The following CPNE8 variants were observed in gnomAD, a reference collection of about 807,000 sequenced individuals.
The protein encoded by CPNE8 is copine-8.
A neutral mutation model predicts 81.5 loss-of-function variants in CPNE8; 45 were observed. That is an observed-to-expected ratio of 0.55 (90% CI 0.44 to 0.71). The LOEUF (loss-of-function observed/expected upper bound fraction) is 0.71. Among genes scored for constraint, CPNE8 ranks in the 30% least tolerant of loss-of-function variants. The probability of loss-of-function intolerance (pLI) is 0.00; values close to 1 mark genes in which losing one functional copy is unlikely to be tolerated. For synonymous variants in CPNE8, 252 were observed against 226.3 expected, an observed-to-expected ratio of 1.11 and a Z score of -1.02; for missense variants, 594 against 672.1, an observed-to-expected ratio of 0.88 and a Z score of 1.28.
chr12:38,845,327 G>A (rs1416773483), intron 4 of CPNE8, among the ~76,000 whole-genome samples: 3 of 152,094 alleles, frequency 2.0e-5, no homozygotes, highest in Non-Finnish European at 4.4e-5. Flanking sequence ...TGGTACGTGT[G>A]TGTACGTGTG....
intron 6 of CPNE8, among the ~76,000 whole-genome samples, chr12:38,796,902 C>T (rs945492692): frequency 2.0e-5 from 3 of 152,210 alleles, no homozygotes; most frequent in Non-Finnish European, 4.4e-5. Context: ...ATATCCCGCA[C>T]ATGGCTCAGA....
chr12:38,886,858 A>G (rs1233371557), intron 1 of CPNE8, among the ~76,000 whole-genome samples: 1 of 152,200 alleles, frequency 6.6e-6, no homozygotes, highest in Non-Finnish European at 1.5e-5. Flanking sequence ...GGAGACCCAG[A>G]TTCAGAGACA....
At chr12:38,711,027 T>C (rs1940243373) in intron 13 of CPNE8, among the ~76,000 whole-genome samples, 1 of 152,178 alleles carries the variant, frequency 6.6e-6, no homozygotes, top group Non-Finnish European at 1.5e-5. Flanking sequence ...TTGTCTACAA[T>C]AGAATAATTT....
rs558896540 is a variant in CPNE8 at position 38,667,741 on chromosome 12, T to C, written c.1506+2988A>G. ...GTATCCCCAGGTGTGTTCAAAATCT[T>C]TGGAATCCCAATGTTACTTTATGGT... On this transcript the variant is annotated intron_variant, in intron 19 of 19. Coordinates refer to ENST00000331366, the MANE Select transcript of CPNE8 (RefSeq NM_153634.3). Among the ~76,000 whole-genome samples, 256 of 152,276 alleles carry C rather than the reference T, an allele frequency of 1.7e-3. 1 individual carries two copies. Among genetic ancestry groups the C allele is most frequent in the Middle Eastern group, 3.4e-3 (1 of 294 alleles).
rs12816599 is a variant in CPNE8, at chr12:38,813,455, A to G, written c.407+15924T>C. On this transcript the variant is annotated intron_variant, in intron 6 of 19. Transcript: ENST00000331366. ...ACTGTCTAGTGATGCTATCACAGAAATAAAATAGAGCGGGAGGAGTTTTGA... is the reference window on the plus strand; with the variant it reads ...ACTGTCTAGTGATGCTATCACAGAAGTAAAATAGAGCGGGAGGAGTTTTGA... 7.1e-3 allele frequency among the ~76,000 whole-genome samples: 1,076 copies of G among 152,356 alleles called. 7 individuals are homozygous for G. Among genetic ancestry groups the G allele is most frequent in the Non-Finnish European group, 0.011 (775 of 68,032 alleles).
chr12:38,772,834 A>T lies in CPNE8; in HGVS notation c.471+3404T>A, dbSNP rs187797874. On this transcript the variant is annotated intron_variant, in intron 7 of 19. Coordinates refer to ENST00000331366, the MANE Select transcript of CPNE8 (RefSeq NM_153634.3). Reference sequence around the variant, plus strand: ...TCTGAACTCCCATGTTTATTCTAGCATTATACACAAATAAGTCAAGATATT... The same window carrying T: ...TCTGAACTCCCATGTTTATTCTAGCTTTATACACAAATAAGTCAAGATATT... Among the ~76,000 whole-genome samples, 13 of 152,282 alleles carry T rather than the reference A, an allele frequency of 8.5e-5. No homozygotes were observed. The East Asian group carries it at 2.3e-3, about 27-fold the overall frequency.
chr12:38,859,907 T>A (rs1259949658), intron 3 of CPNE8, among the ~76,000 whole-genome samples: 1 of 152,116 alleles, frequency 6.6e-6, no homozygotes. Context: ...CACAAAAGGC[T>A]ACTCAAAATG....
chr12:38,783,624 C>T (rs1455760786), intron 6 of CPNE8, among the ~76,000 whole-genome samples: 1 of 152,152 alleles, frequency 6.6e-6, no homozygotes, highest in Non-Finnish European at 1.5e-5. Flanking sequence ...TAGCCAAAGA[C>T]AGGCTTGTGT....
intron 13 of CPNE8, among the ~76,000 whole-genome samples, chr12:38,713,467 T>A (rs826839): frequency 0.098 from 14,924 of 152,238 alleles, 936 homozygotes; most frequent in East Asian, 0.25. Context: ...CCATCTGTTT[T>A]ATCTGATGAT....
intron 3 of CPNE8, among the ~76,000 whole-genome samples, chr12:38,862,140 A>G (rs940043950): frequency 2.0e-5 from 3 of 152,152 alleles, no homozygotes; most frequent in African/African-American, 7.2e-5. Context: ...AATTTGCCAA[A>G]TTGTAGAAAT....
At chr12:38,904,695 C>T (rs1008950002) in intron 1 of CPNE8, among the ~76,000 whole-genome samples, 7 of 152,208 alleles carry the variant, frequency 4.6e-5, no homozygotes, top group African/African-American at 9.6e-5. Context: ...TCTCGAACTC[C>T]TGACCTCGTG....
At chr12:38,882,356 A>G (rs914124097) in intron 1 of CPNE8, among the ~76,000 whole-genome samples, 5 of 152,196 alleles carry the variant, frequency 3.3e-5, no homozygotes, top group Admixed American at 3.3e-4. Context: ...GAGCTGGAAA[A>G]GGCAAAGAAT....
chr12:38,868,975 A>G (rs936572540), intron 3 of CPNE8, among the ~76,000 whole-genome samples: 9 of 152,208 alleles, frequency 5.9e-5, no homozygotes, highest in African/African-American at 2.2e-4. Context: ...GCAAAATGCA[A>G]TAGTATTCAG....
At chr12:38,905,784 G>A, upstream of CPNE8, 1 of 985,360 alleles carries the variant, frequency 1.0e-6, no homozygotes, top group Non-Finnish European at 1.2e-6. Context: ...CGGTTTCCCA[G>A]CCCCCTTCCG....
intron 13 of CPNE8, among the ~76,000 whole-genome samples, chr12:38,719,987 G>C (rs1940516000): frequency 6.6e-6 from 1 of 152,108 alleles, no homozygotes; most frequent in Admixed American, 6.6e-5. Flanking sequence ...TTGTAAATCA[G>C]AACTGGGTTC....
chr12:38,819,854 C>T (rs1350885628), intron 6 of CPNE8, among the ~76,000 whole-genome samples: 1 of 151,228 alleles, frequency 6.6e-6, no homozygotes, highest in Non-Finnish European at 1.5e-5. Flanking sequence ...ATAACTCAGA[C>T]CAAGATAAGT....
At chr12:38,880,798 T>A (rs1356026058) in intron 1 of CPNE8, among the ~76,000 whole-genome samples, 3 of 152,116 alleles carry the variant, frequency 2.0e-5, no homozygotes, top group African/African-American at 7.2e-5. Flanking sequence ...ATTCACTGAA[T>A]AAACAATACC....
At chr12:38,837,141 T>C (rs1179746465) in intron 5 of CPNE8, among the ~76,000 whole-genome samples, 2 of 152,088 alleles carry the variant, frequency 1.3e-5, no homozygotes, top group Non-Finnish European at 2.9e-5. Context: ...GAATCTGAAC[T>C]AAGGCAATAA....
chr12:38,848,745 T>C, intron 3 of CPNE8, 83 bp from the exon 4 acceptor site: 1 of 1,406,354 alleles, frequency 7.1e-7, no homozygotes, highest in Non-Finnish European at 9.3e-7. Flanking sequence ...ACACAGTTCT[T>C]TTAAAAAACA....
Sources: gnomAD v4.1 joint callset for allele counts (sites outside exome capture counted in the v4.1 genomes callset) on GRCh38, gnomAD v4.1.1 for gene constraint, MANE v1.5 for transcripts, NCBI Gene and HGNC (gene_info 2026-07-23, HGNC 2026-07-21) for gene names.